The following ZNF99 variants were observed in gnomAD, a reference collection of about 807,000 sequenced individuals.
The protein encoded by ZNF99 is zinc finger protein 99, also known as zinc finger protein ENSP00000375192.
Under a neutral mutation model 12.8 loss-of-function variants are expected in ZNF99, and 8 were observed. The observed-to-expected ratio is 0.62, with a 90% CI of 0.37 to 1.13. The LOEUF (loss-of-function observed/expected upper bound fraction) is 1.13, where lower values mean the gene tolerates loss of function less well. Among genes scored for constraint, ZNF99 ranks in the 50% most tolerant of loss-of-function variants. The pLI is 0.02. For missense variants in ZNF99, 1,007 were observed against 1,006.2 expected (o/e 1.00, Z -0.01); for synonymous variants, 318 against 319.0 (o/e 1.00, Z 0.03).
chr19:22,769,783 G>T, intron 1 of ZNF99: 1 of 1,073,498 alleles, frequency 9.3e-7, no homozygotes, highest in Non-Finnish European at 1.2e-6. Context: ...ATAAAGAAAA[G>T]AAAAAAAGAA....
chr19:22,773,434 A>T (rs1424218145), intron 1 of ZNF99, among the ~76,000 whole-genome samples: 2 of 147,182 alleles, frequency 1.4e-5, no homozygotes. Context: ...GGTCACCTTA[A>T]TTAGTTAACA....
intron 1 of ZNF99, 84 bp from the exon 2 acceptor site, chr19:22,769,408 A>T (rs1973240904): frequency 6.9e-7 from 1 of 1,448,600 alleles, no homozygotes; most frequent in Middle Eastern, 1.8e-4. Context: ...GAAATGAGAG[A>T]GTAAAGAGAA....
Position 22,756,232 on chromosome 19 carries a change from C to A in ZNF99, c.*1082G>T. 6.4e-7 allele frequency: 1 copy of A among 1,561,860 alleles called. No individual in the cohort carries two copies. The highest frequency in any genetic ancestry group is 8.7e-7 in the Non-Finnish European group (1 of 1,154,134). On this transcript the variant is annotated 3_prime_UTR_variant, in exon 4 of 4. Transcript: ENST00000596209. ...AGGGCTTCTCCCCAGTATGAATTAT[C>A]TTATGTTTAGTAAGGGCTGAAAGAT... is the stretch of plus-strand genomic sequence containing the variant.
chr19:22,759,135 T>C lies in ZNF99; in HGVS notation c.774A>G (p.Lys258=). 6.2e-7 allele frequency: 1 copy of C among 1,610,782 alleles called. No individual in the cohort carries two copies. The highest frequency in any genetic ancestry group is 8.5e-7 in the Non-Finnish European group (1 of 1,178,248). The change falls in exon 4 of 4, where the codon AAA becomes AAG. Residue 258 remains lysine, a synonymous_variant. Coordinates refer to ENST00000596209, the MANE Select transcript of ZNF99 (RefSeq NM_001080409.3). ...TAAAAACTTTGCCACATTCTTCACA[T>C]TTGCAGGGTTTCTTTCCAGTATGAA... ...KIIHTGKKPC[K]CEECGKVFNN...
rs972942745 is a variant in ZNF99, at chr19:22,752,807, C to A, written c.*4507G>T. The A allele has an allele frequency of 6.6e-6, 1 of 152,072 alleles. No homozygotes were observed. The highest frequency in any genetic ancestry group is 2.4e-5 in the African/African-American group (1 of 41,428). The allele number at this position is 152,072 out of a possible 1,614,324, so 9.4% of individuals were successfully genotyped here. A position where few individuals can be genotyped will look rare whatever the true frequency, so the allele number is the denominator to read the frequency against. On this transcript the variant is annotated 3_prime_UTR_variant, in exon 4 of 4. Transcript: ENST00000596209. ...AAAGCACAACTAATATAATACATCA[C>A]TAATTTAATTTTAATTTTAACTAAA...
At chr19:22,765,891 G>A (rs34671960) in intron 3 of ZNF99, among the ~76,000 whole-genome samples, 29,631 of 151,800 alleles carry the variant, frequency 0.2, 3,839 homozygotes, top group African/African-American at 0.38. Context: ...TCAAAAAACC[G>A]TATATGAATA....
In ZNF99 at chr19:22,754,575, C is replaced by T. The variant is rs554481557; in HGVS notation, c.*2739G>A. 12 of 415,868 alleles carry T rather than the reference C, an allele frequency of 2.9e-5. 1 individual carries two copies. The highest frequency in any genetic ancestry group is 1.8e-4 in the South Asian group (10 of 55,672). The allele number at this position is 415,868 out of a possible 1,614,324, so 25.8% of individuals were successfully genotyped here. A position where few individuals can be genotyped will look rare whatever the true frequency, so the allele number is the denominator to read the frequency against. On this transcript the variant is annotated 3_prime_UTR_variant, in exon 4 of 4. Transcript: ENST00000596209. ...ACTTTGTTACATTCTTCACATTTGT[C>T]GGGTTTCTCTTCAGTATGAATTATC...
chr19:22,756,444 T>C lies in ZNF99; in HGVS notation c.*870A>G. On this transcript the variant is annotated 3_prime_UTR_variant, in exon 4 of 4. Transcript: ENST00000596209. ...GAGGACTAAATGCTTTACCACACTC[T>C]TCACATTTGTAGGGTTTCTTTCCAG... 6.3e-7 allele frequency: 1 copy of C among 1,588,224 alleles called. No homozygotes were observed. The highest frequency in any genetic ancestry group is 8.6e-7 in the Non-Finnish European group (1 of 1,169,108).
intron 3 of ZNF99, among the ~76,000 whole-genome samples, chr19:22,767,046 G>C (rs73028924): frequency 0.089 from 12,925 of 145,296 alleles, 574 homozygotes; most frequent in Middle Eastern, 0.12. Context: ...AAGGTGGGCT[G>C]ATAACTTGAT....
intron 1 of ZNF99, among the ~76,000 whole-genome samples, chr19:22,775,256 C>A (rs1363405467): frequency 3.3e-5 from 5 of 152,104 alleles, no homozygotes; most frequent in Non-Finnish European, 5.9e-5. Context: ...AGAAATAATG[C>A]CACAGACCTA....
intron 2 of ZNF99, among the ~76,000 whole-genome samples, chr19:22,768,984 G>A (rs1467151682): frequency 6.7e-6 from 1 of 149,488 alleles, no homozygotes; most frequent in African/African-American, 2.5e-5. Flanking sequence ...AGCCGAGATC[G>A]CACCATTGCA....
In ZNF99 at chr19:22,753,914, A is replaced by G. The variant is rs1313112627; in HGVS notation, c.*3400T>C. 2.7e-6 allele frequency: 1 copy of G among 368,646 alleles called. No homozygotes were observed. The allele number at this position is 368,646 out of a possible 1,614,324, so 22.8% of individuals were successfully genotyped here. On this transcript the variant is annotated 3_prime_UTR_variant, in exon 4 of 4. Transcript: ENST00000596209. Reference sequence around the variant, plus strand: ...ATACTCAAGTGTGACAACCATTTAAAGGCTTTGTGACATGACTCACATCTA... The same window carrying G: ...ATACTCAAGTGTGACAACCATTTAAGGGCTTTGTGACATGACTCACATCTA...
At chr19:22,764,002 G>A (rs35612542) in intron 3 of ZNF99, among the ~76,000 whole-genome samples, 15,285 of 142,448 alleles carry the variant, frequency 0.11, 1,797 homozygotes, top group African/African-American at 0.31. Flanking sequence ...TCTGCCTCCC[G>A]GGTTCAAGCA....
intron 1 of ZNF99, among the ~76,000 whole-genome samples, chr19:22,773,662 T>G (rs1973296053): frequency 6.6e-6 from 1 of 152,172 alleles, no homozygotes; most frequent in Non-Finnish European, 1.5e-5. Flanking sequence ...GCTATCTTTT[T>G]GGCTATTTAT....
chr19:22,769,313 T>C lies in ZNF99; in HGVS notation c.15A>G (p.Thr5=). 6 of 1,605,906 alleles carry C rather than the reference T, an allele frequency of 3.7e-6. No homozygotes were observed. The highest frequency in any genetic ancestry group is 5.1e-6 in the Non-Finnish European group (6 of 1,176,508). ...CGAATTCTATGGTCACATCCCAAAA[T>C]GTCAACGATCCCTGAAAAACACAAC... MGSL[T]FWDVTIEFAL... Residue 5 remains threonine (T), a synonymous_variant, in exon 2 of 4, where the codon ACA becomes ACG. Transcript: ENST00000596209.
At chr19:22,764,782 A>G (rs2145148226) in intron 3 of ZNF99, among the ~76,000 whole-genome samples, 1 of 152,330 alleles carries the variant, frequency 6.6e-6, no homozygotes, top group East Asian at 1.9e-4. Context: ...CCACCAAAGG[A>G]TACCACCTTA....
chr19:22,780,740 A>G (rs1233830169), intron 1 of ZNF99, among the ~76,000 whole-genome samples: 2 of 152,130 alleles, frequency 1.3e-5, no homozygotes, highest in African/African-American at 4.8e-5. Flanking sequence ...ATATGGAAAC[A>G]TTTCTAGAAG....
At chr19:22,759,707 T>C in intron 3 of ZNF99, 25 bp from the exon 4 acceptor site, 2 of 1,448,424 alleles carry the variant, frequency 1.4e-6, no homozygotes, top group Non-Finnish European at 1.8e-6. Flanking sequence ...AATAATAAAT[T>C]ATGTCACTTG....
chr19:22,752,667 G>A lies in ZNF99; in HGVS notation c.*4647C>T, dbSNP rs1333776756. The A allele has an allele frequency of 6.6e-6, 1 of 152,070 alleles. No homozygotes were observed. The highest frequency in any genetic ancestry group is 1.5e-5 in the Non-Finnish European group (1 of 67,986). 9.4% of individuals were successfully genotyped at this position (152,070 alleles called of 1,614,324 possible). A position where few individuals can be genotyped will look rare whatever the true frequency, so the allele number is the denominator to read the frequency against. On this transcript the variant is annotated 3_prime_UTR_variant, in exon 4 of 4. Coordinates refer to ENST00000596209, the MANE Select transcript of ZNF99 (RefSeq NM_001080409.3). ...CTTGAGTAAGGTGGGATAGGTTAAAGCGAGTGGCATAATAACACTTCATTG... is the reference window on the plus strand; with the variant it reads ...CTTGAGTAAGGTGGGATAGGTTAAAACGAGTGGCATAATAACACTTCATTG...
Sources: allele counts gnomAD v4.1 joint callset (sites outside exome capture counted in the v4.1 genomes callset), GRCh38; gene constraint gnomAD v4.1.1; transcripts MANE v1.5; gene names NCBI Gene and HGNC (gene_info 2026-07-23, HGNC 2026-07-21).